ANKRD26: variants seen among roughly 807,000 people sequenced by gnomAD.
The protein encoded by ANKRD26 is ankyrin repeat domain-containing protein 26.
In ANKRD26, 141 loss-of-function variants were observed where a neutral mutation model predicts 208.7. That is an observed-to-expected ratio of 0.68 (90% CI 0.59 to 0.78). The LOEUF (loss-of-function observed/expected upper bound fraction) is 0.78, where lower values mean the gene tolerates loss of function less well. ANKRD26 is among the 30% of genes least tolerant of loss of function. ANKRD26 has a pLI of 0.00. For missense variants in ANKRD26, 1,889 were observed against 1,938.7 expected (o/e 0.97, Z 0.48); for synonymous variants, 636 against 660.4 (o/e 0.96, Z 0.57).
intron 11 of ANKRD26, among the ~76,000 whole-genome samples, chr10:27,065,802 T>C (rs1280503919): frequency 6.8e-6 from 1 of 146,558 alleles, no homozygotes; most frequent in Non-Finnish European, 1.5e-5. Flanking sequence ...CGTTTACTCA[T>C]CCATACATAA....
chr10:27,085,550 A>T (rs2056086987), intron 5 of ANKRD26, among the ~76,000 whole-genome samples: 1 of 152,200 alleles, frequency 6.6e-6, no homozygotes, highest in African/African-American at 2.4e-5. Flanking sequence ...TGACTTCTGT[A>T]TTCAGTATCT....
intron 32 of ANKRD26, among the ~76,000 whole-genome samples, chr10:27,010,827 C>G (rs530281669): frequency 1.3e-5 from 2 of 152,204 alleles, no homozygotes; most frequent in South Asian, 4.1e-4. Context: ...ATTTGACATT[C>G]ATTTTCTTTT....
At chr10:27,037,389 G>A (rs2054079954) in intron 22 of ANKRD26, 66 bp from the exon 23 acceptor site, 2 of 1,548,804 alleles carry the variant, frequency 1.3e-6, no homozygotes, top group African/African-American at 1.4e-5. Flanking sequence ...AACAAGAGCA[G>A]AATTTTAAAA....
At chr10:27,057,543 T>C (rs2054880380) in intron 15 of ANKRD26, among the ~76,000 whole-genome samples, 1 of 152,224 alleles carries the variant, frequency 6.6e-6, no homozygotes, top group South Asian at 2.1e-4. Flanking sequence ...AAATAAACTT[T>C]AAATAAAAAC....
the ANKRD26 span, among the ~76,000 whole-genome samples, chr10:26,958,371 C>G: frequency 2.2e-4 from 34 of 152,106 alleles, no homozygotes; most frequent in African/African-American, 3.6e-4. Flanking sequence ...CAGGCATGAG[C>G]CACCGTGTTC....
intron 4 of ANKRD26, among the ~76,000 whole-genome samples, chr10:26,995,584 A>G (rs1191386816): frequency 6.6e-6 from 1 of 152,232 alleles, no homozygotes; most frequent in African/African-American, 2.4e-5. Flanking sequence ...TCCAGTTCCT[A>G]CAATAGCCAG....
chr10:27,077,299 G>A, intron 9 of ANKRD26, 39 bp downstream of exon 9: 1 of 1,495,208 alleles, frequency 6.7e-7, no homozygotes, highest in East Asian at 2.3e-5. Flanking sequence ...TGGGGCAGGG[G>A]AAGGGTACAT....
chr10:27,086,240 CACAT>C (rs1377301201), intron 5 of ANKRD26, among the ~76,000 whole-genome samples: 3 of 150,878 alleles, frequency 2.0e-5, no homozygotes, highest in African/African-American at 7.3e-5. Flanking sequence ...ATAAAGGAAA[CACAT>C]AACATACTAA....
At chr10:27,093,631 T>C in intron 2 of ANKRD26, 54 bp downstream of exon 2, 8 of 1,595,746 alleles carry the variant, frequency 5.0e-6, no homozygotes, top group Non-Finnish European at 6.9e-6. Context: ...TCATTTTCAT[T>C]CTATGTATTT....
intron 27 of ANKRD26, among the ~76,000 whole-genome samples, chr10:27,027,332 C>G (rs780624449): frequency 6.6e-6 from 1 of 152,140 alleles, no homozygotes; most frequent in African/African-American, 2.4e-5. Flanking sequence ...GCAATTCATT[C>G]TGAAATTCTC....
chr10:27,071,818 C>A (rs1386620399), intron 9 of ANKRD26, among the ~76,000 whole-genome samples: 1 of 152,144 alleles, frequency 6.6e-6, no homozygotes, highest in Non-Finnish European at 1.5e-5. Context: ...GAAGCCCTAA[C>A]TCCCCCCGCG....
chr10:27,024,991 A>T (rs930252996), intron 27 of ANKRD26, among the ~76,000 whole-genome samples: 1 of 152,210 alleles, frequency 6.6e-6, no homozygotes, highest in Non-Finnish European at 1.5e-5. Context: ...CCTGACTTCA[A>T]GATGAGCTAT....
At chr10:26,973,819 A>G (rs2052184580), downstream of ANKRD26, among the ~76,000 whole-genome samples, 1 of 151,326 alleles carries the variant, frequency 6.6e-6, no homozygotes, top group Non-Finnish European at 1.5e-5. Context: ...ACGCCTGGCT[A>G]ATTTTTGTAT....
chr10:26,970,351 C>T (rs907324504), downstream of ANKRD26, among the ~76,000 whole-genome samples: 8 of 152,036 alleles, frequency 5.3e-5, no homozygotes, highest in Non-Finnish European at 1.2e-4. Flanking sequence ...CTGTCTTCAC[C>T]ATAGTGAGTG....
intron 5 of ANKRD26, among the ~76,000 whole-genome samples, chr10:27,084,144 C>A (rs185823770): frequency 6.8e-6 from 1 of 146,650 alleles, no homozygotes; most frequent in African/African-American, 2.6e-5. Flanking sequence ...ACCCAGAAGG[C>A]GGAGGTTGCA....
intron 5 of ANKRD26, among the ~76,000 whole-genome samples, chr10:26,979,119 C>T (rs895368108): frequency 3.9e-5 from 6 of 152,156 alleles, no homozygotes; most frequent in Admixed American, 2.0e-4. Flanking sequence ...ACTCCGGAGG[C>T]TGAGGCAGGA....
chr10:27,007,559 G>A (rs1171655495), intron 32 of ANKRD26, among the ~76,000 whole-genome samples: 1 of 152,170 alleles, frequency 6.6e-6, no homozygotes, highest in Non-Finnish European at 1.5e-5. Context: ...GGGAGGCGGA[G>A]GCAGGAGAAT....
chr10:26,964,855 A>T, the ANKRD26 span, among the ~76,000 whole-genome samples: 1,247 of 152,310 alleles, frequency 8.2e-3, 19 homozygotes, highest in African/African-American at 0.025. Flanking sequence ...TAAACCAGAG[A>T]TCTCTAATAT....
rs777305166 is a variant in ANKRD26, at chr10:27,077,404, G to C, written c.1011C>G (p.Thr337=). 1.9e-6 allele frequency: 3 copies of C among 1,614,014 alleles called. 1 individual carries two copies. Among genetic ancestry groups the C allele is most frequent in the South Asian group, 2.2e-5 (2 of 91,080 alleles). The change falls in exon 9 of 34, where the codon ACC becomes ACG. Residue 337 remains threonine (T), a synonymous_variant. Coordinates refer to ENST00000376087, the MANE Select transcript of ANKRD26 (RefSeq NM_014915.3). The part of the protein sequence containing the change: ...SIKVQCFSHP[T]YQSPDLLPKP... ...TTGGAAGAAGGTCAGGTGATTGATAGGTAGGATGAGAAAAGCACTGGACTT... is the reference window on the plus strand; with the variant it reads ...TTGGAAGAAGGTCAGGTGATTGATACGTAGGATGAGAAAAGCACTGGACTT...
Sources: allele counts gnomAD v4.1 joint callset (sites outside exome capture counted in the v4.1 genomes callset), GRCh38; gene constraint gnomAD v4.1.1; transcripts MANE v1.5; gene names NCBI Gene and HGNC (gene_info 2026-07-23, HGNC 2026-07-21).